MMP16: variants seen among roughly 807,000 people sequenced by gnomAD.
The protein encoded by MMP16 is matrix metalloproteinase-16.
In MMP16, 12 loss-of-function variants were observed where a neutral mutation model predicts 67.8. That is an observed-to-expected ratio of 0.18 (90% confidence interval 0.11 to 0.29). The LOEUF (loss-of-function observed/expected upper bound fraction) is 0.29, where lower values mean the gene tolerates loss of function less well. MMP16 is among the 10% of genes least tolerant of loss of function. The probability of loss-of-function intolerance (pLI) is 1.00; values close to 1 mark genes in which losing one functional copy is unlikely to be tolerated. For synonymous variants in MMP16, 249 were observed against 255.9 expected (o/e 0.97, Z 0.26); for missense variants, 475 against 765.7 (o/e 0.62, Z 4.48).
intron 1 of MMP16, among the ~76,000 whole-genome samples, chr8:88,326,046 GA>G (rs568401741): frequency 2.6e-5 from 4 of 151,916 alleles, no homozygotes; most frequent in Non-Finnish European, 5.9e-5. Flanking sequence ...AACAATATAA[GA>G]AAAAAAATCA....
chr8:88,073,099 A>G lies in MMP16; in HGVS notation c.1222+1506T>C, dbSNP rs565622584. On this transcript the variant is annotated intron_variant, in intron 7 of 9. Coordinates refer to ENST00000286614, the MANE Select transcript of MMP16 (RefSeq NM_005941.5). ...ACAGGGCCTCCTGGGACGGTCCCCA[A>G]GTGGAAGGCTAGTCGGAACTTAACC... Among the ~76,000 whole-genome samples, 26 of 152,280 alleles carry G rather than the reference A, an allele frequency of 1.7e-4. No individual in the cohort carries two copies. In the East Asian group the frequency reaches 5.0e-3, roughly 29 times the overall value.
At chr8:88,113,012 T>C (rs901728083) in intron 6 of MMP16, among the ~76,000 whole-genome samples, 1 of 151,810 alleles carries the variant, frequency 6.6e-6, no homozygotes, top group Admixed American at 6.6e-5. Flanking sequence ...AATAAAATGC[T>C]TCAGGGATTT....
rs564159517 is a variant in MMP16 at position 88,074,425 on chromosome 8, C to T, written c.1222+180G>A. On this transcript the variant is annotated intron_variant, in intron 7 of 9. Transcript: ENST00000286614. ...TCTCTTAAATCTGACATGAGAATAC[C>T]GTATGAGAACAAATAAAATAAAAAA... Among the ~76,000 whole-genome samples the T allele has an allele frequency of 1.6e-4, 24 of 151,738 alleles. No individual in the cohort carries two copies. In the South Asian group the frequency reaches 4.6e-3, roughly 29 times the overall value.
chr8:88,049,625 G>A (rs1466665226), intron 8 of MMP16, among the ~76,000 whole-genome samples: 1 of 152,042 alleles, frequency 6.6e-6, no homozygotes, highest in Non-Finnish European at 1.5e-5. Flanking sequence ...TACTTGACAG[G>A]GTTTCCTCTC....
chr8:88,137,759 T>C (rs558646581), intron 4 of MMP16, among the ~76,000 whole-genome samples: 4 of 151,970 alleles, frequency 2.6e-5, no homozygotes, highest in African/African-American at 4.8e-5. Context: ...TATGCATGTC[T>C]CTACTCATTT....
At position 88,281,206 on chromosome 8, in the gene MMP16, A is replaced by G. The variant is rs186938166; in HGVS notation, c.132+45869T>C. Among the ~76,000 whole-genome samples the G allele has an allele frequency of 5.3e-4, 81 of 152,334 alleles. 1 individual carries two copies. The highest frequency in any genetic ancestry group is 4.1e-4 in the Non-Finnish European group (28 of 68,036). On this transcript the variant is annotated intron_variant, in intron 1 of 9. Coordinates refer to ENST00000286614, the MANE Select transcript of MMP16 (RefSeq NM_005941.5). The stretch of plus-strand genomic sequence containing the variant: ...AAGAATATTTGAAGGCAAAAGAAAA[A>G]CAAATTATATAGATAAGGTTGTTTA...
At chr8:88,251,801 AAAAC>A (rs1810227566) in intron 1 of MMP16, among the ~76,000 whole-genome samples, 1 of 125,912 alleles carries the variant, frequency 7.9e-6, no homozygotes, top group African/African-American at 3.1e-5. Flanking sequence ...TTACAAGAAA[AAAAC>A]AAACAACCCC....
intron 4 of MMP16, among the ~76,000 whole-genome samples, chr8:88,141,671 T>C (rs1280147695): frequency 6.6e-6 from 1 of 152,206 alleles, no homozygotes; most frequent in Non-Finnish European, 1.5e-5. Context: ...TATTCAGTAA[T>C]ACTATTATTA....
chr8:88,284,557 C>G (rs1359873301), intron 1 of MMP16, among the ~76,000 whole-genome samples: 1 of 151,614 alleles, frequency 6.6e-6, no homozygotes, highest in African/African-American at 2.4e-5. Flanking sequence ...TTCAACACAG[C>G]CTGTTGTCTC....
chr8:88,063,752 G>A (rs1426751286), intron 7 of MMP16, among the ~76,000 whole-genome samples: 3 of 151,996 alleles, frequency 2.0e-5, no homozygotes, highest in South Asian at 4.1e-4. Flanking sequence ...ATCTTACTAT[G>A]CAAAATTGAC....
chr8:88,092,211 G>C (rs1044263068), intron 6 of MMP16, among the ~76,000 whole-genome samples: 2 of 151,786 alleles, frequency 1.3e-5, no homozygotes, highest in African/African-American at 4.8e-5. Context: ...CAGTATCACA[G>C]GTATAGGCTC....
At chr8:88,263,266 C>G (rs946897729) in intron 1 of MMP16, among the ~76,000 whole-genome samples, 2 of 151,898 alleles carry the variant, frequency 1.3e-5, no homozygotes, top group Non-Finnish European at 2.9e-5. Flanking sequence ...TCAATTTTTT[C>G]TTCCCTTTTT....
At chr8:88,236,246 C>G (rs973145106) in intron 1 of MMP16, among the ~76,000 whole-genome samples, 1 of 152,202 alleles carries the variant, frequency 6.6e-6, no homozygotes, top group Non-Finnish European at 1.5e-5. Context: ...GTCCAAAAGT[C>G]TGCAGCGGAA....
At chr8:88,088,740 C>A (rs1808885925) in intron 6 of MMP16, among the ~76,000 whole-genome samples, 1 of 152,020 alleles carries the variant, frequency 6.6e-6, no homozygotes, top group Non-Finnish European at 1.5e-5. Context: ...CTTCTTTACA[C>A]TCAAGGTAAG....
chr8:88,257,666 T>C (rs1295859539), intron 1 of MMP16, among the ~76,000 whole-genome samples: 2 of 152,340 alleles, frequency 1.3e-5, no homozygotes, highest in East Asian at 3.9e-4. Context: ...TGTTCACCAA[T>C]GCATTATAAG....
At chr8:88,200,472 A>G (rs1309967167) in intron 1 of MMP16, among the ~76,000 whole-genome samples, 1 of 152,026 alleles carries the variant, frequency 6.6e-6, no homozygotes, top group African/African-American at 2.4e-5. Flanking sequence ...CTGTTTTACT[A>G]ACTCATTCAA....
Position 88,175,149 on chromosome 8 carries a change from C to T in MMP16, c.405-7176G>A, listed in dbSNP as rs112574680. Among the ~76,000 whole-genome samples, 1,487 of 152,052 alleles carry T rather than the reference C, an allele frequency of 9.8e-3. 15 individuals carry two copies. The highest frequency in any genetic ancestry group is 0.027 in the African/African-American group (1,102 of 41,460). ...AAGTGTATATTGGGTAAGGCTTGGC[C>T]GAAAAAACCAAAGAGAAAAATTAGC... On this transcript the variant is annotated intron_variant, in intron 3 of 9. Transcript: ENST00000286614.
At chr8:88,136,594 T>C (rs1808123092) in intron 4 of MMP16, among the ~76,000 whole-genome samples, 1 of 151,532 alleles carries the variant, frequency 6.6e-6, no homozygotes, top group African/African-American at 2.4e-5. Flanking sequence ...AGGGTGCTCA[T>C]TTTTGAACTT....
At chr8:88,289,727 CACA>C (rs1249770911) in intron 1 of MMP16, among the ~76,000 whole-genome samples, 34 of 141,108 alleles carry the variant, frequency 2.4e-4, no homozygotes, top group South Asian at 6.9e-4. Flanking sequence ...CACACACACA[CACA>C]CCCCACTCAT....
Sources: allele counts gnomAD v4.1 joint callset (sites outside exome capture counted in the v4.1 genomes callset), GRCh38; gene constraint gnomAD v4.1.1; transcripts MANE v1.5; gene names NCBI Gene and HGNC (gene_info 2026-07-23, HGNC 2026-07-21).